NPAS3: variants seen among roughly 807,000 people sequenced by gnomAD.
NPAS3 encodes the protein neuronal PAS domain-containing protein 3.
In NPAS3, 14 loss-of-function variants were observed where a neutral mutation model predicts 73.1. That is an observed-to-expected ratio of 0.19 (90% CI 0.13 to 0.30). The LOEUF (loss-of-function observed/expected upper bound fraction) is 0.30. Ranked by LOEUF, NPAS3 falls within the 10% of genes least tolerant of loss-of-function variation. The pLI is 1.00. For synonymous variants in NPAS3, 620 were observed against 541.5 expected, an observed-to-expected ratio of 1.14 and a Z score of -2.01; for missense variants, 1,096 against 1,250.0, an observed-to-expected ratio of 0.88 and a Z score of 1.86.
intron 5 of NPAS3, among the ~76,000 whole-genome samples, chr14:33,582,513 T>C (rs1227512630): frequency 6.6e-6 from 1 of 152,180 alleles, no homozygotes; most frequent in East Asian, 1.9e-4. Context: ...TCTATAATAT[T>C]CCATGTTTAT....
chr14:33,225,206 A>C (rs1047838564), intron 3 of NPAS3, among the ~76,000 whole-genome samples: 1 of 152,234 alleles, frequency 6.6e-6, no homozygotes, highest in Non-Finnish European at 1.5e-5. Context: ...GTCTGTTTAC[A>C]TAGTTTGCTT....
intron 4 of NPAS3, among the ~76,000 whole-genome samples, chr14:33,478,757 A>G (rs1387780909): frequency 6.6e-6 from 1 of 152,210 alleles, no homozygotes; most frequent in Non-Finnish European, 1.5e-5. Context: ...GAATAGTCAA[A>G]TATTTGGAAA....
In NPAS3 at chr14:33,318,836, C is replaced by A. The variant is rs140945642; in HGVS notation, c.386-48350C>A. On this transcript the variant is annotated intron_variant, in intron 3 of 11. Transcript: ENST00000356141. ...TCTTCCAAGACATTTTCTGACTATT[C>A]TAATTCCTACTACCTTCACTTTTTT... Among the ~76,000 whole-genome samples, 29 of 152,250 alleles carry A rather than the reference C, an allele frequency of 1.9e-4. No homozygotes were observed. In the East Asian group the frequency reaches 5.2e-3, roughly 27 times the overall value.
upstream of NPAS3, among the ~76,000 whole-genome samples, chr14:32,938,472 AGAGAGAGAGAAATT>A (rs2035779013): frequency 1.6e-5 from 2 of 128,936 alleles, no homozygotes; most frequent in Non-Finnish European, 3.4e-5. Context: ...AGAGAGAGAG[AGAGAGAGAGAAATT>A]GAGAGAGAGA....
Position 33,327,875 on chromosome 14 carries a change from A to T in NPAS3, c.386-39311A>T, listed in dbSNP as rs548547546. Among the ~76,000 whole-genome samples the T allele has an allele frequency of 2.6e-5, 4 of 152,308 alleles. No individual in the cohort carries two copies. In the East Asian group the frequency reaches 5.8e-4, roughly 22 times the overall value. On this transcript the variant is annotated intron_variant, in intron 3 of 11. Transcript: ENST00000356141. ...TAATTAATCAGTGCATTTCAAAAAG[A>T]TACCACCCATTGTTTTATTAGTATA...
intron 4 of NPAS3, among the ~76,000 whole-genome samples, chr14:33,390,592 T>C (rs182332000): frequency 6.6e-6 from 1 of 152,316 alleles, no homozygotes; most frequent in African/African-American, 2.4e-5. Flanking sequence ...AGGGCAGGTC[T>C]AATAGCCAAT....
At chr14:33,307,593 A>ATATGTGTGTGTGTGTGTGTGTGTGTG (rs1555371662) in intron 3 of NPAS3, among the ~76,000 whole-genome samples, 1 of 138,950 alleles carries the variant, frequency 7.2e-6, no homozygotes, top group Non-Finnish European at 1.5e-5. Context: ...TTTTTTTTCA[A>ATATGTGTGTGTGTGTGTGTGTGTGTG]TGTGTGTGTG....
At chr14:33,467,716 G>A (rs946632926) in intron 4 of NPAS3, among the ~76,000 whole-genome samples, 5 of 152,140 alleles carry the variant, frequency 3.3e-5, no homozygotes, top group African/African-American at 1.2e-4. Flanking sequence ...GCTAACCTAA[G>A]CAATGTGGAG....
rs532314504 is a variant in NPAS3, at chr14:33,235,973, G to A, written c.385+20547G>A. Among the ~76,000 whole-genome samples the A allele has an allele frequency of 3.3e-5, 5 of 151,594 alleles. No individual in the cohort carries two copies. The East Asian group carries it at 5.8e-4, about 18-fold the overall frequency. On this transcript the variant is annotated intron_variant, in intron 3 of 11. Transcript: ENST00000356141. ...CTGACTAATTATTTTTTAATTTTTT[G>A]TAGACACGGGGTCTCACAATGTTGC...
At chr14:33,204,011 T>C (rs2046725741) in intron 2 of NPAS3, among the ~76,000 whole-genome samples, 1 of 152,188 alleles carries the variant, frequency 6.6e-6, no homozygotes, top group African/African-American at 2.4e-5. Context: ...ATGACTGCCA[T>C]TCTAACTGGT....
intron 3 of NPAS3, among the ~76,000 whole-genome samples, chr14:33,293,720 T>G (rs922797017): frequency 6.6e-6 from 1 of 152,134 alleles, no homozygotes; most frequent in African/African-American, 2.4e-5. Flanking sequence ...AAAAGAGATA[T>G]ACAAAATTCC....
intron 2 of NPAS3, among the ~76,000 whole-genome samples, chr14:33,192,608 T>A (rs1278438877): frequency 1.3e-5 from 2 of 152,148 alleles, no homozygotes; most frequent in Non-Finnish European, 2.9e-5. Context: ...CATATCTGAT[T>A]GGAAAATAGG....
chr14:33,062,127 T>G (rs1242507353), intron 2 of NPAS3, among the ~76,000 whole-genome samples: 1 of 151,596 alleles, frequency 6.6e-6, no homozygotes, highest in Non-Finnish European at 1.5e-5. Context: ...TTTTCAGGAG[T>G]GTGACAGAGA....
At chr14:33,247,794 A>AT (rs2048444389) in intron 3 of NPAS3, among the ~76,000 whole-genome samples, 1 of 152,150 alleles carries the variant, frequency 6.6e-6, no homozygotes. Flanking sequence ...GCACTTTTTT[A>AT]TTTTTTAGAA....
chr14:33,604,008 CA>C (rs2057478619), intron 5 of NPAS3, among the ~76,000 whole-genome samples: 1 of 148,880 alleles, frequency 6.7e-6, no homozygotes, highest in South Asian at 2.1e-4. Context: ...AGCCCTAAAA[CA>C]ACTAAAAAAA....
intron 6 of NPAS3, among the ~76,000 whole-genome samples, chr14:33,678,805 G>C (rs2059847048): frequency 6.6e-6 from 1 of 150,560 alleles, no homozygotes; most frequent in Non-Finnish European, 1.5e-5. Context: ...GAGTATCCTA[G>C]GCTAGAGTCT....
intron 3 of NPAS3, among the ~76,000 whole-genome samples, chr14:33,302,800 T>A (rs2042605840): frequency 6.6e-6 from 1 of 152,206 alleles, no homozygotes; most frequent in African/African-American, 2.4e-5. Context: ...TATCTGAGCT[T>A]TCACTCTTTT....
intron 7 of NPAS3, among the ~76,000 whole-genome samples, chr14:33,755,794 T>C (rs1420514566): frequency 6.6e-6 from 1 of 152,158 alleles, no homozygotes; most frequent in Middle Eastern, 3.2e-3. Context: ...ATGACACCTG[T>C]ATCTGTTCAA....
chr14:33,242,467 A>G (rs2048242623), intron 3 of NPAS3, among the ~76,000 whole-genome samples: 1 of 152,090 alleles, frequency 6.6e-6, no homozygotes, highest in Non-Finnish European at 1.5e-5. Context: ...GCTGGAAAAT[A>G]TATGGTGGTG....
Sources: gnomAD v4.1 joint callset for allele counts (sites outside exome capture counted in the v4.1 genomes callset) on GRCh38, gnomAD v4.1.1 for gene constraint, MANE v1.5 for transcripts, NCBI Gene and HGNC (gene_info 2026-07-23, HGNC 2026-07-21) for gene names.